Variants in CCSER2 observed in about 807,000 individuals in gnomAD.
CCSER2 encodes the protein coiled-coil serine rich protein 2.
A neutral mutation model predicts 92.3 loss-of-function variants in CCSER2; 46 were observed. The ratio of observed to expected loss-of-function variants is 0.50; its 90% CI spans 0.39 to 0.64. The LOEUF is 0.64. Ranked by LOEUF, CCSER2 falls within the 30% of genes least tolerant of loss-of-function variation. The pLI, the probability that CCSER2 is intolerant of heterozygous loss-of-function variation, is 0.00. For missense variants in CCSER2, 1,244 were observed against 1,238.9 expected (o/e 1.00, Z -0.06); for synonymous variants, 433 against 431.4 (o/e 1.00, Z -0.04).
chr10:84,376,101 A>C lies in CCSER2; in HGVS notation c.1614+2286A>C, dbSNP rs897476803. On this transcript the variant is annotated intron_variant, in intron 3 of 9. Coordinates refer to ENST00000372088, the MANE Select transcript of CCSER2 (RefSeq NM_001284240.2). Reference sequence around the variant, plus strand: ...TAAGTCTTCCTTTTTGAAAGAAACAATGTGTTGATATACATTCTGATGCAA... The same window carrying C: ...TAAGTCTTCCTTTTTGAAAGAAACACTGTGTTGATATACATTCTGATGCAA... 2.0e-5 allele frequency among the ~76,000 whole-genome samples: 3 copies of C among 152,048 alleles called. No homozygotes were observed. In the East Asian group the frequency reaches 5.8e-4, roughly 29 times the overall value.
intron 6 of CCSER2, among the ~76,000 whole-genome samples, chr10:84,441,248 T>C (rs1844515463): frequency 3.3e-5 from 5 of 152,200 alleles, no homozygotes; most frequent in Admixed American, 2.6e-4. Flanking sequence ...TTGGTTATGT[T>C]TCCTGGTATA....
At chr10:84,454,106 A>G (rs575557392) in intron 6 of CCSER2, among the ~76,000 whole-genome samples, 2 of 152,300 alleles carry the variant, frequency 1.3e-5, no homozygotes, top group South Asian at 4.1e-4. Context: ...AGGCGTTGTC[A>G]TCAGGGCTTT....
chr10:84,428,215 G>A (rs1324568927), intron 5 of CCSER2, among the ~76,000 whole-genome samples: 1 of 152,146 alleles, frequency 6.6e-6, no homozygotes, highest in East Asian at 1.9e-4. Flanking sequence ...TTTTCCACAG[G>A]CCATGGGTGG....
At chr10:84,496,320 C>CT (rs1848447337) in intron 9 of CCSER2, among the ~76,000 whole-genome samples, 1 of 152,042 alleles carries the variant, frequency 6.6e-6, no homozygotes, top group African/African-American at 2.4e-5. Flanking sequence ...GAGTCTCGCT[C>CT]TGTCGCCCAG....
intron 9 of CCSER2, among the ~76,000 whole-genome samples, chr10:84,490,359 C>G (rs562237521): frequency 3.3e-5 from 5 of 152,178 alleles, no homozygotes; most frequent in African/African-American, 9.7e-5. Context: ...CCATTCTCCC[C>G]GTCACTTTCA....
chr10:84,405,844 A>G (rs1209920140), intron 3 of CCSER2, among the ~76,000 whole-genome samples: 1 of 152,198 alleles, frequency 6.6e-6, no homozygotes, highest in African/African-American at 2.4e-5. Flanking sequence ...TTCATTGCTG[A>G]TTGATATGTG....
intron 9 of CCSER2, among the ~76,000 whole-genome samples, chr10:84,508,998 C>CT (rs1167249280): frequency 6.6e-6 from 1 of 152,148 alleles, no homozygotes; most frequent in Non-Finnish European, 1.5e-5. Context: ...TATTTCTAGT[C>CT]TTCAGATAAA....
chr10:84,458,675 C>G (rs79441851), intron 6 of CCSER2, among the ~76,000 whole-genome samples: 5,714 of 152,096 alleles, frequency 0.038, 131 homozygotes, highest in Admixed American at 0.065. Flanking sequence ...GAGGATATCT[C>G]CATTTATTTA....
chr10:84,329,644 G>T lies in CCSER2; in HGVS notation c.-40+836G>T, dbSNP rs540267603. Among the ~76,000 whole-genome samples the T allele has an allele frequency of 2.6e-5, 4 of 151,868 alleles. No individual in the cohort carries two copies. The East Asian group carries it at 7.7e-4, about 29-fold the overall frequency. On this transcript the variant is annotated intron_variant, in intron 1 of 9. Transcript: ENST00000372088. ...ATGACGGAACCTATTCATTTGGCCA[G>T]TTGTTTTTTTTAAAGCATCATCTTT...
intron 4 of CCSER2, among the ~76,000 whole-genome samples, chr10:84,419,355 C>CA (rs538991185): frequency 0.047 from 4,335 of 91,384 alleles, 79 homozygotes; most frequent in Middle Eastern, 0.057. Context: ...GCTCCCTTCT[C>CA]AAAAAAAAAA....
intron 9 of CCSER2, among the ~76,000 whole-genome samples, chr10:84,505,642 T>C (rs1038193104): frequency 3.9e-5 from 6 of 152,190 alleles, no homozygotes; most frequent in Admixed American, 2.0e-4. Context: ...ATTTTTAATT[T>C]AAATATGGTT....
chr10:84,424,811 G>A (rs973384162), intron 4 of CCSER2: 1 of 154,660 alleles, frequency 6.5e-6, no homozygotes, highest in Non-Finnish European at 1.4e-5. Context: ...GTGTTTAGCA[G>A]TATTTTTAGT....
intron 9 of CCSER2, among the ~76,000 whole-genome samples, chr10:84,484,166 C>T (rs1446364418): frequency 1.3e-5 from 2 of 150,950 alleles, no homozygotes; most frequent in South Asian, 2.1e-4. Flanking sequence ...TTAGTAGAGA[C>T]GGGGTTTCAC....
At chr10:84,503,054 C>T (rs1028296174) in intron 9 of CCSER2, among the ~76,000 whole-genome samples, 1 of 152,038 alleles carries the variant, frequency 6.6e-6, no homozygotes, top group South Asian at 2.1e-4. Flanking sequence ...GAAACCGCAT[C>T]TCTACTAAAA....
chr10:84,435,524 G>A (rs1405548375), intron 5 of CCSER2, among the ~76,000 whole-genome samples: 1 of 150,906 alleles, frequency 6.6e-6, no homozygotes, highest in Non-Finnish European at 1.5e-5. Flanking sequence ...TCAGATTATA[G>A]TTCTAAAGCA....
chr10:84,387,890 A>G (rs1396549563), intron 3 of CCSER2, among the ~76,000 whole-genome samples: 1 of 151,634 alleles, frequency 6.6e-6, no homozygotes, highest in Non-Finnish European at 1.5e-5. Context: ...TTTGAGACGG[A>G]GTCTTGCTCT....
At chr10:84,383,076 A>G (rs1007691147) in intron 3 of CCSER2, among the ~76,000 whole-genome samples, 21 of 152,342 alleles carry the variant, frequency 1.4e-4, no homozygotes, top group Admixed American at 3.3e-4. Flanking sequence ...TTGCGTGGGT[A>G]TATGAGTTCC....
At chr10:84,413,741 G>A (rs1842763859) in intron 3 of CCSER2, among the ~76,000 whole-genome samples, 1 of 151,972 alleles carries the variant, frequency 6.6e-6, no homozygotes, top group African/African-American at 2.4e-5. Context: ...TTGTCATTGG[G>A]GTATTAATGT....
intron 9 of CCSER2, among the ~76,000 whole-genome samples, chr10:84,497,145 A>G (rs1317752783): frequency 6.6e-6 from 1 of 152,260 alleles, no homozygotes; most frequent in Non-Finnish European, 1.5e-5. Context: ...AAAGAGGAAG[A>G]AAGATTCCAC....
Sources: gnomAD v4.1 joint callset for allele counts (sites outside exome capture counted in the v4.1 genomes callset) on GRCh38, gnomAD v4.1.1 for gene constraint, MANE v1.5 for transcripts, NCBI Gene and HGNC (gene_info 2026-07-23, HGNC 2026-07-21) for gene names.